The following ZNF487 variants were observed in gnomAD, a reference collection of about 807,000 sequenced individuals.
The protein encoded by ZNF487 is zinc finger protein 487.
A neutral mutation model predicts 3.0 loss-of-function variants in ZNF487; 4 were observed. That is an observed-to-expected ratio of 1.35 (90% CI 0.66 to 3.08). The LOEUF (loss-of-function observed/expected upper bound fraction) is 3.08, where lower values mean the gene tolerates loss of function less well. Ranked by LOEUF, ZNF487 falls within the 30% of genes most tolerant of loss-of-function variation. The pLI, the probability that ZNF487 is intolerant of heterozygous loss-of-function variation, is 0.01. For missense variants in ZNF487, 146 were observed against 98.7 expected (o/e 1.48, Z -2.03); for synonymous variants, 55 against 34.6 (o/e 1.59, Z -2.06).
At chr10:43,505,427 G>T in the ZNF487 span, among the ~76,000 whole-genome samples, 71 of 151,562 alleles carry the variant, frequency 4.7e-4, no homozygotes, top group Admixed American at 9.9e-4. Flanking sequence ...TGGGATTACA[G>T]GTGTGCACCA....
At chr10:43,487,929 CAAAAAAAA>C (rs76705594), downstream of ZNF487, among the ~76,000 whole-genome samples, 20 of 40,444 alleles carry the variant, frequency 4.9e-4, no homozygotes, top group African/African-American at 1.2e-3. Flanking sequence ...TACCAAAATA[CAAAAAAAA>C]AAAAAAAAAA....
the ZNF487 span, among the ~76,000 whole-genome samples, chr10:43,499,750 C>CA: frequency 6.2e-3 from 728 of 117,048 alleles, 4 homozygotes; most frequent in African/African-American, 0.02. Context: ...GACCCTGTCT[C>CA]AAAAAAAAAA....
chr10:43,485,430 A>G (rs908581024), downstream of ZNF487, among the ~76,000 whole-genome samples: 2 of 152,236 alleles, frequency 1.3e-5, no homozygotes, highest in South Asian at 2.1e-4. Flanking sequence ...AAGAAAAACC[A>G]TATTGATTAT....
Position 43,475,662 on chromosome 10 carries a change from CAT to C in ZNF487, c.-93-58_-93-57del, listed in dbSNP as rs1841069747. ...ACATGACAAGGTGTTAGATCTCACA[CAT>C]GTTGTATGCTCTCCACTTCTGATCA... On this transcript the variant is annotated intron_variant, in intron 1 of 3. Transcript: ENST00000437590. The C allele has an allele frequency of 6.6e-6, 5 of 754,356 alleles. No individual in the cohort carries two copies. In the Admixed American group the frequency reaches 7.4e-5, roughly 11 times the overall value. The allele number at this position is 754,356 out of a possible 1,614,324, so 46.7% of individuals were successfully genotyped here.
chr10:43,520,087 T>C, the ZNF487 span, among the ~76,000 whole-genome samples: 1 of 152,214 alleles, frequency 6.6e-6, no homozygotes, highest in Admixed American at 6.5e-5. Flanking sequence ...AAATATCCAT[T>C]AGCTGCATTA....
rs1841095994 is a variant in ZNF487 at position 43,476,219 on chromosome 10, A to G, written c.130+17A>G. 2.8e-6 allele frequency: 2 copies of G among 713,282 alleles called. No homozygotes were observed. The highest frequency in any genetic ancestry group is 4.1e-5 in the Admixed American group (2 of 48,996). The allele number at this position is 713,282 out of a possible 1,614,324, so 44.2% of individuals were successfully genotyped here. A position where few individuals can be genotyped will look rare whatever the true frequency, so the allele number is the denominator to read the frequency against. On this transcript the variant is annotated intron_variant, in intron 3 of 3. Coordinates refer to ENST00000437590, the MANE Select transcript of ZNF487 (RefSeq NM_001355444.3). ...GCCACCTAGGTGAGTTAATAAATAT[A>G]TAGGAAGCTATAATCCCAGGGAGAA...
chr10:43,465,790 G>A (rs951374534), intron 1 of ZNF487, among the ~76,000 whole-genome samples: 10 of 152,216 alleles, frequency 6.6e-5, no homozygotes, highest in African/African-American at 2.2e-4. Flanking sequence ...TGGGGTGGCC[G>A]CCGAGCAGAG....
intron 3 of ZNF487, 64 bp from the exon 4 acceptor site, chr10:43,481,365 T>C (rs1841351023): frequency 1.5e-6 from 1 of 649,060 alleles, no homozygotes; most frequent in Non-Finnish European, 2.8e-6. Context: ...CATGTGAATA[T>C]GTCTCTTTTT....
intron 1 of ZNF487, among the ~76,000 whole-genome samples, chr10:43,441,233 C>T (rs1402513627): frequency 2.0e-5 from 3 of 151,128 alleles, no homozygotes; most frequent in Non-Finnish European, 2.9e-5. Context: ...TCCCAAAGTG[C>T]TGGGAGTATA....
rs537517277 is a variant in ZNF487 at position 43,455,648 on chromosome 10, G to A, written c.-94+18386G>A. On this transcript the variant is annotated intron_variant, in intron 1 of 3. Transcript: ENST00000437590. Reference sequence around the variant, plus strand: ...CGTGGCGCGGCGCGCTTGTGGCAGCGACGGGCACTGCCGCGCATGCGCGGC... The same window carrying A: ...CGTGGCGCGGCGCGCTTGTGGCAGCAACGGGCACTGCCGCGCATGCGCGGC... 1.1e-4 allele frequency among the ~76,000 whole-genome samples: 17 copies of A among 152,344 alleles called. No individual in the cohort carries two copies. In the South Asian group the frequency reaches 3.5e-3, roughly 32 times the overall value.
downstream of ZNF487, among the ~76,000 whole-genome samples, chr10:43,485,934 G>A (rs186562085): frequency 2.0e-3 from 305 of 152,080 alleles, 1 homozygote; most frequent in Middle Eastern, 3.4e-3. Flanking sequence ...TAGACAGTTC[G>A]CAGTTACACT....
chr10:43,515,694 G>T, the ZNF487 span, among the ~76,000 whole-genome samples: 2 of 152,174 alleles, frequency 1.3e-5, no homozygotes, highest in Non-Finnish European at 2.9e-5. Flanking sequence ...TTTCTCTACA[G>T]GAGATAAGAC....
At chr10:43,504,986 G>A in the ZNF487 span, among the ~76,000 whole-genome samples, 82 of 152,140 alleles carry the variant, frequency 5.4e-4, no homozygotes, top group Middle Eastern at 6.8e-3. Flanking sequence ...GATTACAGGC[G>A]TGAGCCACTG....
intron 3 of ZNF487, among the ~76,000 whole-genome samples, chr10:43,476,464 G>T (rs1933579641): frequency 6.6e-6 from 1 of 152,018 alleles, no homozygotes; most frequent in Admixed American, 6.6e-5. Flanking sequence ...AATGTCATTT[G>T]ACTCTTCCTT....
the ZNF487 span, among the ~76,000 whole-genome samples, chr10:43,498,507 G>T: frequency 1.3e-5 from 2 of 151,076 alleles, no homozygotes; most frequent in Non-Finnish European, 2.9e-5. Context: ...ACGAACTCCT[G>T]ACTCAAGTGA....
At chr10:43,522,033 G>A in the ZNF487 span, among the ~76,000 whole-genome samples, 2 of 152,308 alleles carry the variant, frequency 1.3e-5, no homozygotes, top group Admixed American at 1.3e-4. Context: ...AAAAGAAAAT[G>A]AAGATACAAC....
At chr10:43,480,035 CTT>C (rs1175822676) in intron 3 of ZNF487, among the ~76,000 whole-genome samples, 1 of 84,884 alleles carries the variant, frequency 1.2e-5, no homozygotes, top group African/African-American at 3.5e-5. Context: ...TTCTTTCTTT[CTT>C]TCTTTCTTTT....
the ZNF487 span, among the ~76,000 whole-genome samples, chr10:43,522,033 G>T: frequency 1.3e-5 from 2 of 152,188 alleles, no homozygotes; most frequent in Non-Finnish European, 2.9e-5. Flanking sequence ...AAAAGAAAAT[G>T]AAGATACAAC....
chr10:43,442,453 TA>T (rs533841610), intron 1 of ZNF487, among the ~76,000 whole-genome samples: 142 of 152,226 alleles, frequency 9.3e-4, no homozygotes, highest in African/African-American at 3.3e-3. Flanking sequence ...TTTATTTATT[TA>T]TTTTTTTGAG....
Sources: gnomAD v4.1 joint callset for allele counts (sites outside exome capture counted in the v4.1 genomes callset) on GRCh38, gnomAD v4.1.1 for gene constraint, MANE v1.5 for transcripts, NCBI Gene and HGNC (gene_info 2026-07-23, HGNC 2026-07-21) for gene names.